Variants in FSHR observed in about 807,000 individuals in gnomAD.
The protein encoded by FSHR is follicle stimulating hormone receptor.
FSHR carries 46 observed loss-of-function variants against 52.1 expected under a neutral mutation model. The observed-to-expected ratio is 0.88, with a 90% CI of 0.70 to 1.13. The LOEUF is 1.13. Ranked by LOEUF, FSHR falls within the 50% of genes most tolerant of loss-of-function variation. The pLI is 0.00. For synonymous variants in FSHR, 399 were observed against 309.6 expected, an observed-to-expected ratio of 1.29 and a Z score of -3.03; for missense variants, 964 against 834.6, an observed-to-expected ratio of 1.16 and a Z score of -1.91.
At chr2:48,994,415 T>C (rs1455652344) in intron 4 of FSHR, among the ~76,000 whole-genome samples, 1 of 152,256 alleles carries the variant, frequency 6.6e-6, no homozygotes, top group East Asian at 1.9e-4. Context: ...TTGATCTTTA[T>C]AGGAAAGAAA....
At chr2:49,084,071 C>A (rs1440968239) in intron 1 of FSHR, among the ~76,000 whole-genome samples, 3 of 151,748 alleles carry the variant, frequency 2.0e-5, no homozygotes, top group South Asian at 2.1e-4. Flanking sequence ...CACACCTATT[C>A]CAAAATTGAC....
chr2:49,141,800 C>A (rs1249783781), intron 1 of FSHR, among the ~76,000 whole-genome samples: 1 of 152,044 alleles, frequency 6.6e-6, no homozygotes, highest in Non-Finnish European at 1.5e-5. Flanking sequence ...TTTAGGAGTT[C>A]AGAGTAAAAA....
chr2:48,982,210 G>T (rs1041598979), intron 8 of FSHR, among the ~76,000 whole-genome samples: 2 of 152,184 alleles, frequency 1.3e-5, no homozygotes, highest in Non-Finnish European at 2.9e-5. Flanking sequence ...ACTTGAGGAG[G>T]TAGAGGACTT....
chr2:48,965,435 G>C (rs1173716431), intron 9 of FSHR, among the ~76,000 whole-genome samples: 1 of 152,160 alleles, frequency 6.6e-6, no homozygotes, highest in Admixed American at 6.5e-5. Flanking sequence ...TGGAAACGGA[G>C]CCCAGAAAAT....
intron 1 of FSHR, among the ~76,000 whole-genome samples, chr2:49,141,993 G>A (rs1672704769): frequency 6.6e-6 from 1 of 152,130 alleles, no homozygotes; most frequent in Non-Finnish European, 1.5e-5. Context: ...AAAATTGTTG[G>A]GCAAGATGCT....
At chr2:49,088,547 T>G (rs1218031284) in intron 1 of FSHR, among the ~76,000 whole-genome samples, 2 of 152,216 alleles carry the variant, frequency 1.3e-5, no homozygotes, top group African/African-American at 2.4e-5. Context: ...GAATTCGACT[T>G]TAATGATTCA....
chr2:48,986,640 C>A (rs1006560853), intron 6 of FSHR, among the ~76,000 whole-genome samples: 3 of 152,114 alleles, frequency 2.0e-5, no homozygotes, highest in African/African-American at 7.2e-5. Flanking sequence ...AACTCCTTTC[C>A]TGAAAAGTGT....
In FSHR at chr2:49,057,030, A is replaced by G. The variant is rs187359193; in HGVS notation, c.224+11189T>C. On this transcript the variant is annotated intron_variant, in intron 2 of 9. Coordinates refer to ENST00000406846, the MANE Select transcript of FSHR (RefSeq NM_000145.4). ...AAGCAGAATTAAGAGGCAAGTTTATATCAGTAAACCCCTATATGAAAAAAC... is the reference window on the plus strand; with the variant it reads ...AAGCAGAATTAAGAGGCAAGTTTATGTCAGTAAACCCCTATATGAAAAAAC... Among the ~76,000 whole-genome samples the G allele has an allele frequency of 4.3e-3, 658 of 152,228 alleles. 8 individuals are homozygous for G. The highest frequency in any genetic ancestry group is 0.015 in the African/African-American group (608 of 41,566).
rs1374121611 is a variant in FSHR, at chr2:49,154,331, A to C, written c.87T>G (p.Val29=). 1 of 1,613,852 alleles carries C rather than the reference A, an allele frequency of 6.2e-7. No homozygotes were observed. Among genetic ancestry groups the C allele is most frequent in the Non-Finnish European group, 8.5e-7 (1 of 1,179,914 alleles). Residue 29 remains valine (V), a synonymous_variant, in exon 1 of 10, where the codon GTT becomes GTG. Coordinates refer to ENST00000406846, the MANE Select transcript of FSHR (RefSeq NM_000145.4). The part of the protein sequence containing the change: ...HHRICHCSNR[V]FLCQESKVTE... ...TCACCTTGCTCTCTTGGCAGAGAAA[A>C]ACCCTGTTAGAGCAGTGACAGATCC...
At chr2:49,092,974 G>C (rs1670669563) in intron 1 of FSHR, among the ~76,000 whole-genome samples, 1 of 152,084 alleles carries the variant, frequency 6.6e-6, no homozygotes, top group Admixed American at 6.6e-5. Context: ...CTTTGGTTTT[G>C]AATTTCAACA....
intron 1 of FSHR, among the ~76,000 whole-genome samples, chr2:49,101,848 G>A (rs1671038388): frequency 6.6e-6 from 1 of 152,136 alleles, no homozygotes; most frequent in Non-Finnish European, 1.5e-5. Context: ...TCTTGCTGGT[G>A]GGGACTCTGT....
Position 49,096,130 on chromosome 2 carries a change from G to C in FSHR, c.153-27840C>G, listed in dbSNP as rs569680086. 2.0e-5 allele frequency among the ~76,000 whole-genome samples: 3 copies of C among 152,184 alleles called. No homozygotes were observed. The South Asian group carries it at 6.2e-4, about 32-fold the overall frequency. On this transcript the variant is annotated intron_variant, in intron 1 of 9. Coordinates refer to ENST00000406846, the MANE Select transcript of FSHR (RefSeq NM_000145.4). The stretch of plus-strand genomic sequence containing the variant: ...ACTACTCATATGTATTTATTCAAGA[G>C]TATTAAAAACATGCATCCATACAAA...
intron 2 of FSHR, among the ~76,000 whole-genome samples, chr2:49,028,489 T>TA (rs1334007071): frequency 6.6e-6 from 1 of 152,376 alleles, no homozygotes; most frequent in Admixed American, 6.5e-5. Flanking sequence ...TTAATGGGAA[T>TA]AATTATCCAC....
intron 2 of FSHR, among the ~76,000 whole-genome samples, chr2:49,065,696 TAGGAACCCTGGTAATAAG>T (rs1416539753): frequency 1.3e-5 from 2 of 152,052 alleles, no homozygotes; most frequent in African/African-American, 4.8e-5. Flanking sequence ...GATGAAAGTT[TAGGAACCCTGGTAATAAG>T]ACATTATCTG....
chr2:49,152,196 G>T (rs1340020217), intron 1 of FSHR, among the ~76,000 whole-genome samples: 1 of 152,078 alleles, frequency 6.6e-6, no homozygotes, highest in East Asian at 1.9e-4. Context: ...ATGCAACTTT[G>T]TCCTCTAATA....
intron 1 of FSHR, among the ~76,000 whole-genome samples, chr2:49,150,034 G>C (rs1294221992): frequency 1.3e-5 from 2 of 152,032 alleles, no homozygotes; most frequent in Non-Finnish European, 2.9e-5. Context: ...TCAAATTTCA[G>C]ATGTAGAATG....
chr2:49,091,633 A>G (rs941380516), intron 1 of FSHR, among the ~76,000 whole-genome samples: 6 of 152,154 alleles, frequency 3.9e-5, no homozygotes, highest in Non-Finnish European at 8.8e-5. Flanking sequence ...CTCCAGTGCT[A>G]TTTGTTTAAA....
At chr2:49,032,807 T>A (rs1159876591) in intron 2 of FSHR, among the ~76,000 whole-genome samples, 1 of 152,192 alleles carries the variant, frequency 6.6e-6, no homozygotes, top group Non-Finnish European at 1.5e-5. Flanking sequence ...GTGTTATGGA[T>A]CCTATCCCCA....
intron 1 of FSHR, among the ~76,000 whole-genome samples, chr2:49,097,147 C>G (rs1390968754): frequency 6.6e-6 from 1 of 152,080 alleles, no homozygotes; most frequent in East Asian, 1.9e-4. Flanking sequence ...TTATTGTTTT[C>G]TTATATAAAA....
Sources: gnomAD v4.1 joint callset for allele counts (sites outside exome capture counted in the v4.1 genomes callset) on GRCh38, gnomAD v4.1.1 for gene constraint, MANE v1.5 for transcripts, NCBI Gene and HGNC (gene_info 2026-07-23, HGNC 2026-07-21) for gene names.